ZNF804B: variants seen among roughly 807,000 people sequenced by gnomAD.
The protein encoded by ZNF804B is zinc finger protein 804B.
A neutral mutation model predicts 101.4 loss-of-function variants in ZNF804B; 80 were observed. The ratio of observed to expected loss-of-function variants is 0.79; its 90% CI spans 0.66 to 0.95. The LOEUF is 0.95. Among genes scored for constraint, ZNF804B ranks in the 40% least tolerant of loss-of-function variants. The pLI is 0.00. For synonymous variants in ZNF804B, 622 were observed against 558.8 expected (o/e 1.11, Z -1.59); for missense variants, 1,673 against 1,561.9 (o/e 1.07, Z -1.20).
chr7:89,166,200 AATTC>A (rs1371682754), intron 1 of ZNF804B, among the ~76,000 whole-genome samples: 1 of 152,114 alleles, frequency 6.6e-6, no homozygotes, highest in African/African-American at 2.4e-5. Context: ...ACATAAAGTG[AATTC>A]CTGTGCTTCA....
chr7:89,201,397 A>T (rs758732086), intron 1 of ZNF804B, among the ~76,000 whole-genome samples: 3 of 152,076 alleles, frequency 2.0e-5, no homozygotes, highest in Non-Finnish European at 2.9e-5. Flanking sequence ...TACAAAATGG[A>T]ATAACAGACA....
Position 89,336,079 on chromosome 7 carries a change from C to T in ZNF804B, c.3097C>T (p.Leu1033=). ...CCATCTTTCTAAAGGTATAATTCAC[C>T]TAGTAACAGAGTCTCAGTCACTAAA... ...DNHLSKGIIH[L]VTESQSLNIK... is the part of the protein sequence containing the mutation. The change falls in exon 4 of 4, where the codon CTA becomes TTA. Residue 1033 remains leucine, a synonymous_variant. Coordinates refer to ENST00000333190, the MANE Select transcript of ZNF804B (RefSeq NM_181646.5). The T allele has an allele frequency of 6.2e-7, 1 of 1,613,840 alleles. No homozygotes were observed.
intron 1 of ZNF804B, among the ~76,000 whole-genome samples, chr7:88,861,843 T>G (rs1791651658): frequency 6.6e-6 from 1 of 152,214 alleles, no homozygotes; most frequent in Non-Finnish European, 1.5e-5. Context: ...TTCCAGCAGC[T>G]ATCATAATAA....
chr7:88,996,160 C>T (rs1427821445), intron 1 of ZNF804B, among the ~76,000 whole-genome samples: 1 of 151,972 alleles, frequency 6.6e-6, no homozygotes, highest in African/African-American at 2.4e-5. Context: ...TGCAAATGTA[C>T]TCTACTAATA....
chr7:89,218,077 T>C (rs920181763), intron 1 of ZNF804B, 78 bp from the exon 2 acceptor site: 8 of 1,410,210 alleles, frequency 5.7e-6, no homozygotes, highest in Non-Finnish European at 7.8e-6. Flanking sequence ...TTAAGTTAAA[T>C]ACCACCTTGA....
At chr7:89,116,488 C>G (rs1790314315) in intron 1 of ZNF804B, among the ~76,000 whole-genome samples, 1 of 152,094 alleles carries the variant, frequency 6.6e-6, no homozygotes, top group Admixed American at 6.6e-5. Flanking sequence ...TCTTCATGAA[C>G]CCTGTGAGAA....
In ZNF804B at chr7:88,892,360, T is replaced by C. The variant is rs116812368; in HGVS notation, c.108+132276T>C. 3.8e-3 allele frequency among the ~76,000 whole-genome samples: 582 copies of C among 152,300 alleles called. 3 individuals are homozygous for C. Among genetic ancestry groups the C allele is most frequent in the African/African-American group, 0.013 (559 of 41,586 alleles). On this transcript the variant is annotated intron_variant, in intron 1 of 3. Coordinates refer to ENST00000333190, the MANE Select transcript of ZNF804B (RefSeq NM_181646.5). Reference sequence around the variant, plus strand: ...TGAAGGGTTTGTGTCTATCTGTAGATATCTTAATTTCCACTCTAACTTGTA... The same window carrying C: ...TGAAGGGTTTGTGTCTATCTGTAGACATCTTAATTTCCACTCTAACTTGTA...
At chr7:89,100,657 T>C (rs762424732) in intron 1 of ZNF804B, among the ~76,000 whole-genome samples, 3 of 152,052 alleles carry the variant, frequency 2.0e-5, no homozygotes, top group Admixed American at 6.6e-5. Context: ...GTAAAAGACC[T>C]AAATAGACAT....
chr7:89,144,564 A>G (rs1790763520), intron 1 of ZNF804B, among the ~76,000 whole-genome samples: 1 of 151,990 alleles, frequency 6.6e-6, no homozygotes, highest in Non-Finnish European at 1.5e-5. Context: ...GACAAGGAAA[A>G]GGGAGATGTT....
chr7:89,088,012 T>G (rs1789832386), intron 1 of ZNF804B, among the ~76,000 whole-genome samples: 1 of 150,810 alleles, frequency 6.6e-6, no homozygotes, highest in African/African-American at 2.4e-5. Flanking sequence ...ATTAATTTAT[T>G]TCGTTTCCAC....
At chr7:89,319,864 C>T (rs1308486002) in intron 2 of ZNF804B, among the ~76,000 whole-genome samples, 2 of 152,120 alleles carry the variant, frequency 1.3e-5, no homozygotes, top group Non-Finnish European at 2.9e-5. Context: ...AACACTCGTA[C>T]TTGAGGGCTC....
At chr7:88,908,287 A>G (rs988401281) in intron 1 of ZNF804B, among the ~76,000 whole-genome samples, 4 of 151,608 alleles carry the variant, frequency 2.6e-5, no homozygotes, top group Non-Finnish European at 1.5e-5. Context: ...CGTAATGTGT[A>G]TATGTGTTAT....
chr7:89,166,986 T>C (rs543665771), intron 1 of ZNF804B, among the ~76,000 whole-genome samples: 29 of 152,306 alleles, frequency 1.9e-4, no homozygotes, highest in Non-Finnish European at 3.2e-4. Context: ...TGAATGAGTT[T>C]TCATAAATTT....
intron 1 of ZNF804B, among the ~76,000 whole-genome samples, chr7:88,863,573 A>G (rs891253314): frequency 3.3e-5 from 5 of 152,210 alleles, no homozygotes; most frequent in African/African-American, 1.2e-4. Flanking sequence ...TGAAATGAAT[A>G]ATACTTTAAA....
chr7:88,869,723 T>TG (rs1295583635), intron 1 of ZNF804B, among the ~76,000 whole-genome samples: 5 of 152,114 alleles, frequency 3.3e-5, no homozygotes, highest in African/African-American at 1.2e-4. Flanking sequence ...GTCTCAAAGA[T>TG]AAGGAACCCC....
At chr7:89,249,272 C>T (rs1203848921) in intron 2 of ZNF804B, among the ~76,000 whole-genome samples, 1 of 152,048 alleles carries the variant, frequency 6.6e-6, no homozygotes, top group African/African-American at 2.4e-5. Context: ...TAACAATTGG[C>T]CAGTTGGACC....
chr7:89,036,727 G>A (rs571893662), intron 1 of ZNF804B, among the ~76,000 whole-genome samples: 19 of 152,178 alleles, frequency 1.2e-4, no homozygotes, highest in Admixed American at 3.3e-4. Flanking sequence ...TAATACAGTG[G>A]TAAAACTTGG....
intron 2 of ZNF804B, among the ~76,000 whole-genome samples, chr7:89,260,977 C>A (rs62470336): frequency 0.12 from 18,580 of 151,604 alleles, 1,218 homozygotes; most frequent in Middle Eastern, 0.26. Flanking sequence ...TATGAGAAAA[C>A]CATGATAGTT....
chr7:88,760,501 T>C (rs1789879185), intron 1 of ZNF804B, among the ~76,000 whole-genome samples: 1 of 152,164 alleles, frequency 6.6e-6, no homozygotes, highest in African/African-American at 2.4e-5. Context: ...TACTGTTACT[T>C]TGTGAGAAAA....
Sources: allele counts gnomAD v4.1 joint callset (sites outside exome capture counted in the v4.1 genomes callset), GRCh38; gene constraint gnomAD v4.1.1; transcripts MANE v1.5; gene names NCBI Gene and HGNC (gene_info 2026-07-23, HGNC 2026-07-21).